QPCTL: variants seen among roughly 807,000 people sequenced by gnomAD.
The protein encoded by QPCTL is glutaminyl-peptide cyclotransferase-like protein.
A neutral mutation model predicts 34.6 loss-of-function variants in QPCTL; 31 were observed. The observed-to-expected ratio is 0.90, with a 90% CI of 0.67 to 1.21. The LOEUF (loss-of-function observed/expected upper bound fraction) is 1.21. Ranked by LOEUF, QPCTL falls within the 50% of genes most tolerant of loss-of-function variation. The pLI, the probability that QPCTL is intolerant of heterozygous loss-of-function variation, is 0.00. For synonymous variants in QPCTL, 223 were observed against 226.9 expected, an observed-to-expected ratio of 0.98 and a Z score of 0.15; for missense variants, 474 against 507.8, an observed-to-expected ratio of 0.93 and a Z score of 0.64.
chr19:45,698,683 C>T lies in QPCTL; in HGVS notation c.770C>T (p.Thr257Ile), dbSNP rs375450281. 8.2e-5 allele frequency: 132 copies of T among 1,614,038 alleles called. No homozygotes were observed. The highest frequency in any genetic ancestry group is 1.0e-4 in the Non-Finnish European group (118 of 1,180,032). Residue 257 changes from threonine to isoleucine, a missense_variant, in exon 4 of 7, where the codon ACC becomes ATC. Physicochemically the swap from Thr to Ile is moderately conservative, Grantham distance 89. Coordinates refer to ENST00000012049, the MANE Select transcript of QPCTL (RefSeq NM_017659.4). ...MESIPHSPGP[T>I]RIQAIELFML... Reference sequence around the variant, plus strand: ...TCTATACCTCACAGCCCCGGCCCCACCAGGATCCAGGCTATTGTAAGACCA... The same window carrying T: ...TCTATACCTCACAGCCCCGGCCCCATCAGGATCCAGGCTATTGTAAGACCA...
intron 5 of QPCTL, among the ~76,000 whole-genome samples, chr19:45,700,940 A>G (rs967933319): frequency 7.0e-6 from 1 of 143,320 alleles, no homozygotes; most frequent in Non-Finnish European, 1.5e-5. Context: ...GCCTGGCGAC[A>G]GAGCAAGACT....
chr19:45,693,368 G>A lies in QPCTL; in HGVS notation c.208-45G>A, dbSNP rs373080046. The A allele has an allele frequency of 2.9e-5, 46 of 1,571,874 alleles. No individual in the cohort carries two copies. The African/African-American group carries it at 5.7e-4, about 19-fold the overall frequency. On this transcript the variant is annotated intron_variant, in intron 1 of 6. Transcript: ENST00000012049. ...CGCCCGGGGTAGGGTTGAAATGGGG[G>A]GGTTGCTCTCATTCTTCCCTTCCCT...
At position 45,701,884 on chromosome 19, in the gene QPCTL, G is replaced by T; in HGVS notation, c.973G>T (p.Glu325Ter). ...FQPGEPFGSVEDDHIPFLRRG... is the reference protein window; with the variant it reads ...FQPGEPFGSV The stretch of plus-strand genomic sequence containing the variant: ...ACCCGGGGAGCCCTTTGGCTCTGTG[G>T]AAGACGACCACATCCCCTTCCTCCG... The change falls in exon 6 of 7, where the codon GAA becomes TAA. Residue 325 changes from glutamate to a stop codon, truncating the protein, a stop_gained. Coordinates refer to ENST00000012049, the MANE Select transcript of QPCTL (RefSeq NM_017659.4). LOFTEE classifies it high-confidence loss of function. 2 of 1,613,776 alleles carry T rather than the reference G, an allele frequency of 1.2e-6. No homozygotes were observed. Among genetic ancestry groups the T allele is most frequent in the Non-Finnish European group, 1.7e-6 (2 of 1,179,730 alleles).
Position 45,703,613 on chromosome 19 carries a change from G to A in QPCTL, c.*564G>A, listed in dbSNP as rs188222075. On this transcript the variant is annotated 3_prime_UTR_variant, in exon 7 of 7. Transcript: ENST00000012049. ...CAAAGTGCTGGGATTACAGGTGTGA[G>A]CCACCGCACCTGGCAAAATGCTGTT... 2.0e-5 allele frequency: 3 copies of A among 151,608 alleles called. No individual in the cohort carries two copies. The highest frequency in any genetic ancestry group is 7.3e-5 in the African/African-American group (3 of 41,370). 9.4% of individuals were successfully genotyped at this position (151,608 alleles called of 1,614,324 possible).
At position 45,703,118 on chromosome 19, in the gene QPCTL, G is replaced by C. The variant is rs887090703; in HGVS notation, c.*69G>C. 1.2e-5 allele frequency: 19 copies of C among 1,584,540 alleles called. No homozygotes were observed. The highest frequency in any genetic ancestry group is 1.6e-5 in the Non-Finnish European group (18 of 1,155,798). On this transcript the variant is annotated 3_prime_UTR_variant, in exon 7 of 7. Coordinates refer to ENST00000012049, the MANE Select transcript of QPCTL (RefSeq NM_017659.4). Reference sequence around the variant, plus strand: ...TCCCAGCGGGGGCCAGTGAAGCTCAGGCAGGATCTGCCTAGGGTGTGCTGG... The same window carrying C: ...TCCCAGCGGGGGCCAGTGAAGCTCACGCAGGATCTGCCTAGGGTGTGCTGG...
chr19:45,695,293 A>T (rs144959788), intron 2 of QPCTL, 144 bp from the exon 3 acceptor site: 1 of 808,192 alleles, frequency 1.2e-6, no homozygotes, highest in Non-Finnish European at 1.9e-6. Context: ...CTCAAAAAAA[A>T]AAAGAAAGAA....
chr19:45,695,321 A>C, intron 2 of QPCTL, 116 bp from the exon 3 acceptor site: 2 of 928,126 alleles, frequency 2.2e-6, no homozygotes, highest in Non-Finnish European at 3.2e-6. Context: ...AATCCATTCA[A>C]TCAGAGTGGG....
At chr19:45,701,717 T>A in intron 5 of QPCTL, 81 bp from the exon 6 acceptor site, 1 of 1,078,096 alleles carries the variant, frequency 9.3e-7, no homozygotes, top group East Asian at 2.4e-5. Context: ...CTCTGGGTGC[T>A]CTGCCTTCCT....
chr19:45,693,632 C>G, intron 2 of QPCTL, 76 bp downstream of exon 2: 1 of 1,499,900 alleles, frequency 6.7e-7, no homozygotes, highest in African/African-American at 1.4e-5. Flanking sequence ...TTCAAGATCC[C>G]AAAGAAGCTA....
rs936885027 is a variant in QPCTL, at chr19:45,699,165, C to T, written c.886+265C>T. 4.6e-5 allele frequency among the ~76,000 whole-genome samples: 7 copies of T among 151,590 alleles called. No homozygotes were observed. In the Admixed American group the frequency reaches 4.6e-4, roughly 10 times the overall value. On this transcript the variant is annotated intron_variant, in intron 5 of 6. Coordinates refer to ENST00000012049, the MANE Select transcript of QPCTL (RefSeq NM_017659.4). ...TCTCCTGCCTCAGCCTCCCGAGTAGCTGGGACTACAGGCGCATGCCACCAT... is the reference window on the plus strand; with the variant it reads ...TCTCCTGCCTCAGCCTCCCGAGTAGTTGGGACTACAGGCGCATGCCACCAT...
intron 3 of QPCTL, 134 bp from the exon 4 acceptor site, chr19:45,698,413 T>C: frequency 9.1e-7 from 1 of 1,103,676 alleles, no homozygotes; most frequent in Non-Finnish European, 1.3e-6. Context: ...ATCTGTGCTC[T>C]TGGCTACCAC....
intron 5 of QPCTL, 99 bp downstream of exon 5, chr19:45,698,999 C>A (rs971353386): frequency 1.9e-6 from 2 of 1,033,782 alleles, no homozygotes; most frequent in Non-Finnish European, 2.9e-6. Context: ...AAAGGCTCAT[C>A]CACCAGTCTG....
At chr19:45,694,286 C>T (rs1177431142) in intron 2 of QPCTL, among the ~76,000 whole-genome samples, 1 of 151,404 alleles carries the variant, frequency 6.6e-6, no homozygotes, top group Non-Finnish European at 1.5e-5. Flanking sequence ...GGCTGAGGCA[C>T]GAGAATCACT....
chr19:45,693,618 C>A lies in QPCTL; in HGVS notation c.351+62C>A, dbSNP rs113111094. The A allele has an allele frequency of 1.2e-3, 1,854 of 1,519,536 alleles. 17 individuals carry two copies. The African/African-American group carries it at 0.021, about 17-fold the overall frequency. The allele number at this position is 1,519,536 out of a possible 1,614,324, so 94.1% of individuals were successfully genotyped here. On this transcript the variant is annotated intron_variant, in intron 2 of 6. Transcript: ENST00000012049. ...CCTCCAGGGAATGGGAAATAAGAAT[C>A]CTGTTCAAGATCCCAAAGAAGCTAA...
In QPCTL at chr19:45,698,528, C is replaced by G. The variant is rs747506442; in HGVS notation, c.634-19C>G. The G allele has an allele frequency of 6.2e-6, 10 of 1,613,294 alleles. No homozygotes were observed. The highest frequency in any genetic ancestry group is 1.7e-4 in the Middle Eastern group (1 of 5,858). On this transcript the variant is annotated intron_variant, in intron 3 of 6. Coordinates refer to ENST00000012049, the MANE Select transcript of QPCTL (RefSeq NM_017659.4). ...CTAGTCCTGAGCTGGCTCTGGCCAC[C>G]CCCCTGCTGCTCCCACAGGCAGCCC...
intron 2 of QPCTL, 22 bp downstream of exon 2, chr19:45,693,578 C>A (rs1320480677): frequency 1.3e-6 from 2 of 1,589,830 alleles, no homozygotes; most frequent in Non-Finnish European, 1.7e-6. Context: ...CACCTCCAGT[C>A]CCTGACCCCC....
At chr19:45,699,001 A>G (rs1212793072) in intron 5 of QPCTL, 101 bp downstream of exon 5, 11 of 951,084 alleles carry the variant, frequency 1.2e-5, no homozygotes, top group African/African-American at 1.7e-5. Context: ...AGGCTCATCC[A>G]CCAGTCTGGG....
rs1028790253 is a variant in QPCTL, at chr19:45,703,183, A to G, written c.*134A>G. 4.3e-6 allele frequency: 5 copies of G among 1,154,556 alleles called. No homozygotes were observed. The highest frequency in any genetic ancestry group is 3.1e-5 in the African/African-American group (2 of 64,728). The allele number at this position is 1,154,556 out of a possible 1,614,324, so 71.5% of individuals were successfully genotyped here. ...ACCTTTGTCTCCTAATTGTGCTACA[A>G]TTGGAAGACCTTCTTTCTTTTGATT... On this transcript the variant is annotated 3_prime_UTR_variant, in exon 7 of 7. Transcript: ENST00000012049.
At chr19:45,693,662 T>C in intron 2 of QPCTL, 106 bp downstream of exon 2, 1 of 1,449,676 alleles carries the variant, frequency 6.9e-7, no homozygotes, top group East Asian at 2.4e-5. Flanking sequence ...ACTGGGGCTC[T>C]GACTGGAGTT....
Sources: allele counts gnomAD v4.1 joint callset (sites outside exome capture counted in the v4.1 genomes callset), GRCh38; gene constraint gnomAD v4.1.1; transcripts MANE v1.5; gene names NCBI Gene and HGNC (gene_info 2026-07-23, HGNC 2026-07-21).